The following NELL1 variants were observed in gnomAD, a reference collection of about 807,000 sequenced individuals.
NELL1 encodes the protein protein kinase C-binding protein NELL1.
Under a neutral mutation model 107.4 loss-of-function variants are expected in NELL1, and 76 were observed. The ratio of observed to expected loss-of-function variants is 0.71; its 90% CI spans 0.59 to 0.86. The LOEUF is 0.86. Ranked by LOEUF, NELL1 falls within the 40% of genes least tolerant of loss-of-function variation. The pLI, the probability that NELL1 is intolerant of heterozygous loss-of-function variation, is 0.00. For missense variants in NELL1, 1,024 were observed against 1,005.5 expected, an observed-to-expected ratio of 1.02 and a Z score of -0.25; for synonymous variants, 353 against 341.2, an observed-to-expected ratio of 1.03 and a Z score of -0.38.
chr11:21,132,741 AGCTCTTCTTTCCTT>A (rs1190892333), intron 13 of NELL1, among the ~76,000 whole-genome samples: 6 of 150,674 alleles, frequency 4.0e-5, no homozygotes, highest in Non-Finnish European at 5.9e-5. Flanking sequence ...GAAGGGTCGA[AGCTCTTCTTTCCTT>A]CTTGACATGG....
intron 13 of NELL1, among the ~76,000 whole-genome samples, chr11:21,193,655 G>T (rs1045158019): frequency 1.3e-5 from 2 of 151,870 alleles, no homozygotes; most frequent in African/African-American, 4.9e-5. Flanking sequence ...ATGCTGGGAA[G>T]TTTTGATTTG....
At chr11:20,676,544 A>G (rs914052229) in intron 1 of NELL1, among the ~76,000 whole-genome samples, 2 of 152,226 alleles carry the variant, frequency 1.3e-5, no homozygotes, top group Non-Finnish European at 2.9e-5. Context: ...GAAACTGAGA[A>G]GGCAGTTATA....
At chr11:20,693,557 C>G (rs1854529770) in intron 2 of NELL1, among the ~76,000 whole-genome samples, 1 of 152,024 alleles carries the variant, frequency 6.6e-6, no homozygotes, top group African/African-American at 2.4e-5. Flanking sequence ...CTTAGTTTGG[C>G]TGGATATGAA....
At chr11:20,705,303 G>T (rs1238535270) in intron 2 of NELL1, among the ~76,000 whole-genome samples, 1 of 152,112 alleles carries the variant, frequency 6.6e-6, no homozygotes, top group Non-Finnish European at 1.5e-5. Context: ...CATGGTACTG[G>T]TACCAAAACA....
rs377001623 is a variant in NELL1, at chr11:21,573,473, C to A, written c.2382+64C>A. ...TTGCCAGAGAACACTTGCAGGAGGT[C>A]CACTCCTGATGTTTCTGAATACACA... is the stretch of plus-strand genomic sequence containing the variant. On this transcript the variant is annotated intron_variant, in intron 19 of 19. Coordinates refer to ENST00000357134, the MANE Select transcript of NELL1 (RefSeq NM_006157.5). 1.2e-5 allele frequency: 17 copies of A among 1,379,470 alleles called. No individual in the cohort carries two copies. In the African/African-American group the frequency reaches 2.1e-4, roughly 17 times the overall value. The allele number at this position is 1,379,470 out of a possible 1,614,324, so 85.5% of individuals were successfully genotyped here. A position where few individuals can be genotyped will look rare whatever the true frequency, so the allele number is the denominator to read the frequency against.
chr11:20,676,103 C>CT (rs1430587051), intron 1 of NELL1, among the ~76,000 whole-genome samples: 1 of 152,084 alleles, frequency 6.6e-6, no homozygotes. Context: ...CCATGCTAGC[C>CT]TTTTTTCTGT....
intron 2 of NELL1, among the ~76,000 whole-genome samples, chr11:20,678,473 T>C (rs1854116134): frequency 6.6e-6 from 1 of 152,214 alleles, no homozygotes; most frequent in Non-Finnish European, 1.5e-5. Flanking sequence ...ATGGCTGCAT[T>C]CTCCTTGAGG....
chr11:21,049,467 C>A (rs1010433894), intron 12 of NELL1, among the ~76,000 whole-genome samples: 4 of 152,056 alleles, frequency 2.6e-5, no homozygotes, highest in African/African-American at 9.7e-5. Context: ...TCTCTTTTAG[C>A]CAACTTTAGT....
At chr11:21,296,702 T>C (rs1374240414) in intron 14 of NELL1, among the ~76,000 whole-genome samples, 1 of 151,968 alleles carries the variant, frequency 6.6e-6, no homozygotes, top group East Asian at 1.9e-4. Flanking sequence ...AAAAGTGCTT[T>C]ATCTCAAACA....
intron 12 of NELL1, among the ~76,000 whole-genome samples, chr11:21,067,957 C>T (rs547568113): frequency 8.2e-5 from 10 of 122,054 alleles, no homozygotes; most frequent in South Asian, 2.8e-4. Context: ...AACTTGAACT[C>T]GGGAGGCGGA....
At chr11:21,426,514 T>C (rs942085114) in intron 15 of NELL1, among the ~76,000 whole-genome samples, 2 of 152,228 alleles carry the variant, frequency 1.3e-5, no homozygotes. Context: ...TGAGGAGACA[T>C]ACTATGACAA....
intron 3 of NELL1, among the ~76,000 whole-genome samples, chr11:20,831,332 A>C (rs1343979582): frequency 1.3e-5 from 2 of 152,158 alleles, no homozygotes; most frequent in Non-Finnish European, 1.5e-5. Flanking sequence ...CAGAGCCTGC[A>C]TTTTGACAAG....
rs375071371 is a variant in NELL1, at chr11:20,699,226, C to CAAA, written c.184+21172_184+21174dup. Reference sequence around the variant, plus strand: ...AGCAAGACTCTGTCTCAAAAACAAACAAAAAAAACAAAACAAACAAAAAAG... The same window carrying CAAA: ...AGCAAGACTCTGTCTCAAAAACAAACAAAAAAAAAAACAAAACAAACAAAAAAG... On this transcript the variant is annotated intron_variant, in intron 2 of 19. Transcript: ENST00000357134. Among the ~76,000 whole-genome samples the CAAA allele has an allele frequency of 1.2e-3, 186 of 151,368 alleles. 1 individual carries two copies. The highest frequency in any genetic ancestry group is 4.4e-3 in the African/African-American group (182 of 41,228).
At chr11:20,841,835 T>G (rs543293045) in intron 3 of NELL1, among the ~76,000 whole-genome samples, 4 of 152,264 alleles carry the variant, frequency 2.6e-5, no homozygotes, top group South Asian at 2.1e-4. Flanking sequence ...ATTAAAAAAC[T>G]GAGACACAGA....
chr11:21,404,424 A>G (rs1852185296), intron 15 of NELL1, among the ~76,000 whole-genome samples: 1 of 151,936 alleles, frequency 6.6e-6, no homozygotes. Flanking sequence ...TAAGAAAGCA[A>G]TTAAAGTAAG....
At chr11:21,168,551 C>T (rs1417707280) in intron 13 of NELL1, among the ~76,000 whole-genome samples, 1 of 151,764 alleles carries the variant, frequency 6.6e-6, no homozygotes, top group Non-Finnish European at 1.5e-5. Context: ...ATCCTAGTGA[C>T]TCATCCATTA....
intron 15 of NELL1, among the ~76,000 whole-genome samples, chr11:21,511,902 A>G (rs1427997603): frequency 6.6e-6 from 1 of 152,222 alleles, no homozygotes; most frequent in Non-Finnish European, 1.5e-5. Flanking sequence ...CATATGGACA[A>G]TACGGGACTA....
chr11:21,499,305 A>G (rs1353722875), intron 15 of NELL1, among the ~76,000 whole-genome samples: 1 of 152,064 alleles, frequency 6.6e-6, no homozygotes, highest in African/African-American at 2.4e-5. Flanking sequence ...TATTTGTTCA[A>G]TCTATTTGAC....
At chr11:20,762,862 G>A (rs1210113918) in intron 2 of NELL1, among the ~76,000 whole-genome samples, 1 of 152,112 alleles carries the variant, frequency 6.6e-6, no homozygotes, top group Non-Finnish European at 1.5e-5. Context: ...GGGAATAGTG[G>A]CAGGAAAAAC....
Sources: gnomAD v4.1 joint callset for allele counts (sites outside exome capture counted in the v4.1 genomes callset) on GRCh38, gnomAD v4.1.1 for gene constraint, MANE v1.5 for transcripts, NCBI Gene and HGNC (gene_info 2026-07-23, HGNC 2026-07-21) for gene names.